Variants in MYBPC1 observed in about 807,000 individuals in gnomAD.
MYBPC1 encodes the protein myosin binding protein C1.
A neutral mutation model predicts 147.1 loss-of-function variants in MYBPC1; 52 were observed. The ratio of observed to expected loss-of-function variants is 0.35; its 90% CI spans 0.28 to 0.45. MYBPC1 has a LOEUF of 0.45. MYBPC1 is among the 20% of genes least tolerant of loss of function. MYBPC1 has a pLI of 1.00. For missense variants in MYBPC1, 1,228 were observed against 1,440.3 expected (o/e 0.85, Z 2.39); for synonymous variants, 477 against 475.9 (o/e 1.00, Z -0.03).
chr12:101,685,170 A>G (rs1333463290), intron 31 of MYBPC1, among the ~76,000 whole-genome samples: 1 of 152,208 alleles, frequency 6.6e-6, no homozygotes, highest in Non-Finnish European at 1.5e-5. Context: ...CCTAATTAAA[A>G]AGAACATTAA....
At chr12:101,685,431 G>A (rs1207377683) in intron 31 of MYBPC1, 151 bp from the exon 32 acceptor site, 1 of 630,668 alleles carries the variant, frequency 1.6e-6, no homozygotes, top group Non-Finnish European at 2.8e-6. Context: ...AAATCCAGGA[G>A]AAGATTTTCC....
chr12:101,675,955 A>C (rs1019757383), intron 26 of MYBPC1, among the ~76,000 whole-genome samples: 1 of 152,268 alleles, frequency 6.6e-6, no homozygotes, highest in Non-Finnish European at 1.5e-5. Flanking sequence ...CAAATGCGGA[A>C]AGGTCTGGAG....
rs183524782 is a variant in MYBPC1, at chr12:101,634,614, A to G, written c.608+9A>G. On this transcript the variant is annotated intron_variant, in intron 9 of 31. Coordinates refer to ENST00000361466, the MANE Select transcript of MYBPC1 (RefSeq NM_002465.4). ...TCTGCTTTCAAGAGAAGGTAACTCC[A>G]AAAGAAAAATCTAGATAGCTTTTGT... 5.7e-3 allele frequency: 9,233 copies of G among 1,607,052 alleles called. 44 individuals carry two copies. The highest frequency in any genetic ancestry group is 7.8e-3 in the Middle Eastern group (47 of 6,052).
chr12:101,674,862 C>CAAAA lies in MYBPC1; in HGVS notation c.2810-411_2810-408dup, dbSNP rs62824364. Reference sequence around the variant, plus strand: ...GGGTGACAGACCATGACTCTGTCTCCAAAAAAAAAAAAAAAAAAAAAAGGA... The same window carrying CAAAA: ...GGGTGACAGACCATGACTCTGTCTCCAAAAAAAAAAAAAAAAAAAAAAAAAAGGA... On this transcript the variant is annotated intron_variant, in intron 25 of 31. Coordinates refer to ENST00000361466, the MANE Select transcript of MYBPC1 (RefSeq NM_002465.4). 5.4e-3 allele frequency among the ~76,000 whole-genome samples: 323 copies of CAAAA among 59,654 alleles called. 9 individuals carry two copies. The highest frequency in any genetic ancestry group is 0.015 in the African/African-American group (179 of 12,130). 39.1% of individuals were successfully genotyped at this position (59,654 alleles called of 152,430 possible).
chr12:101,688,222 G>C (rs2251181), downstream of MYBPC1, among the ~76,000 whole-genome samples: 124,234 of 152,114 alleles, frequency 0.82, 51,079 homozygotes, highest in African/African-American at 0.92. Flanking sequence ...GAGTTCGAGA[G>C]CAGCTATGCA....
intron 1 of MYBPC1, among the ~76,000 whole-genome samples, chr12:101,605,784 C>T (rs1454742985): frequency 6.6e-6 from 1 of 152,082 alleles, no homozygotes; most frequent in East Asian, 1.9e-4. Context: ...ATCTCTTGAA[C>T]CTGGGAGGCA....
chr12:101,605,260 C>T lies in MYBPC1; in HGVS notation c.26-9236C>T, dbSNP rs530805685. Among the ~76,000 whole-genome samples, 659 of 152,290 alleles carry T rather than the reference C, an allele frequency of 4.3e-3. 6 individuals are homozygous for T. Among genetic ancestry groups the T allele is most frequent in the African/African-American group, 0.015 (608 of 41,570 alleles). On this transcript the variant is annotated intron_variant, in intron 1 of 31. Transcript: ENST00000361466. ...CACTTAGGAAAATGAGTTATTGCTTCAAAATCAATGTAAGGTTTTTATTTT... is the reference window on the plus strand; with the variant it reads ...CACTTAGGAAAATGAGTTATTGCTTTAAAATCAATGTAAGGTTTTTATTTT...
At chr12:101,606,464 G>GTTTT (rs1367257692) in intron 1 of MYBPC1, among the ~76,000 whole-genome samples, 18 of 127,806 alleles carry the variant, frequency 1.4e-4, no homozygotes, top group African/African-American at 6.6e-4. Context: ...AATCAATTTA[G>GTTTT]TATTTTTTTT....
intron 26 of MYBPC1, among the ~76,000 whole-genome samples, chr12:101,676,692 A>G (rs771829537): frequency 4.6e-5 from 7 of 152,208 alleles, no homozygotes; most frequent in African/African-American, 1.7e-4. Flanking sequence ...TCAAGACTAT[A>G]GTAAGCCAAG....
chr12:101,692,543 T>A, the MYBPC1 span, among the ~76,000 whole-genome samples: 1 of 152,310 alleles, frequency 6.6e-6, no homozygotes, highest in South Asian at 2.1e-4. Context: ...AATTTCCTTA[T>A]CCATAAAATG....
intron 30 of MYBPC1, among the ~76,000 whole-genome samples, chr12:101,684,089 C>T (rs1951198856): frequency 6.6e-6 from 1 of 152,060 alleles, no homozygotes; most frequent in Admixed American, 6.6e-5. Flanking sequence ...TTTGGAAGCT[C>T]TTACCATAGA....
At chr12:101,675,499 C>A in intron 26 of MYBPC1, 68 bp downstream of exon 26, 1 of 1,603,042 alleles carries the variant, frequency 6.2e-7, no homozygotes, top group Non-Finnish European at 8.5e-7. Context: ...AAGGAGATGG[C>A]ACAAGGGCCT....
At position 101,682,671 on chromosome 12, in the gene MYBPC1, A is replaced by C; in HGVS notation, c.3492+9A>C. The C allele has an allele frequency of 6.2e-7, 1 of 1,607,858 alleles. No homozygotes were observed. Among genetic ancestry groups the C allele is most frequent in the Non-Finnish European group, 8.5e-7 (1 of 1,174,458 alleles). On this transcript the variant is annotated intron_variant, in intron 30 of 31. Transcript: ENST00000361466. ...TGGAGGGGCAGCAACAGGTTTAAAA[A>C]GTTTATATCCCACTGGATATTCTAC...
At chr12:101,660,590 G>A (rs568438426) in intron 19 of MYBPC1, 5 of 160,700 alleles carry the variant, frequency 3.1e-5, no homozygotes, top group Admixed American at 1.7e-4. Flanking sequence ...GGCAAGGGGT[G>A]GGCTCATCTT....
intron 25 of MYBPC1, 75 bp downstream of exon 25, chr12:101,673,697 G>C (rs576797642): frequency 1.3e-6 from 2 of 1,517,632 alleles, no homozygotes; most frequent in Admixed American, 1.7e-5. Flanking sequence ...CCTAAGGCAA[G>C]AGCAGGAGTT....
rs1900409602 is a variant in MYBPC1 at position 101,678,142 on chromosome 12, C to A, written c.3150C>A (p.Phe1050Leu). 6.2e-7 allele frequency: 1 copy of A among 1,613,860 alleles called. No individual in the cohort carries two copies. The highest frequency in any genetic ancestry group is 1.3e-5 in the African/African-American group (1 of 74,938). ...YKNPVYEDFD[F>L]SEAPMFTQPL... ...ATCCAGTGTATGAAGACTTTGATTT[C>A]TCAGAGGCACCCATGTTTACTCAGC... is the stretch of plus-strand genomic sequence containing the variant. The change falls in exon 28 of 32, where the codon TTC (phenylalanine) becomes TTA (leucine). Residue 1050 changes from phenylalanine to leucine, a missense_variant. By Grantham distance (22) the Phe-to-Leu change is conservative. Coordinates refer to ENST00000361466, the MANE Select transcript of MYBPC1 (RefSeq NM_002465.4).
intron 7 of MYBPC1, 94 bp from the exon 8 acceptor site, chr12:101,631,927 C>A: frequency 7.6e-7 from 1 of 1,323,340 alleles, no homozygotes; most frequent in Non-Finnish European, 1.1e-6. Flanking sequence ...GAACATTGTA[C>A]TGGAATTCCC....
chr12:101,595,152 T>A, intron 1 of MYBPC1, 57 bp downstream of exon 1: 1 of 1,433,216 alleles, frequency 7.0e-7, no homozygotes, highest in South Asian at 1.2e-5. Context: ...TTTATTTTGG[T>A]ATTTATCTTC....
intron 10 of MYBPC1, among the ~76,000 whole-genome samples, chr12:101,640,936 G>A (rs1160049717): frequency 6.6e-6 from 1 of 151,950 alleles, no homozygotes; most frequent in Non-Finnish European, 1.5e-5. Context: ...CCAACATGGT[G>A]AAATCCCATC....
Sources: gnomAD v4.1 joint callset for allele counts (sites outside exome capture counted in the v4.1 genomes callset) on GRCh38, gnomAD v4.1.1 for gene constraint, MANE v1.5 for transcripts, NCBI Gene and HGNC (gene_info 2026-07-23, HGNC 2026-07-21) for gene names.